GRIK1: variants seen among roughly 807,000 people sequenced by gnomAD.
The protein encoded by GRIK1 is glutamate receptor ionotropic, kainate 1.
GRIK1 carries 69 observed loss-of-function variants against 105.7 expected under a neutral mutation model. The ratio of observed to expected loss-of-function variants is 0.65; its 90% CI spans 0.54 to 0.80. The LOEUF is 0.80. Among genes scored for constraint, GRIK1 ranks in the 30% least tolerant of loss-of-function variants. GRIK1 has a pLI of 0.00. For synonymous variants in GRIK1, 438 were observed against 431.3 expected (o/e 1.02, Z -0.19); for missense variants, 1,109 against 1,167.3 (o/e 0.95, Z 0.73).
intron 1 of GRIK1, among the ~76,000 whole-genome samples, chr21:29,821,412 C>A (rs1445551748): frequency 6.6e-6 from 1 of 151,966 alleles, no homozygotes; most frequent in African/African-American, 2.4e-5. Flanking sequence ...TTCTTTGGAG[C>A]ACTTCCAGCA....
chr21:29,677,882 C>T (rs1356502481), intron 3 of GRIK1, among the ~76,000 whole-genome samples: 1 of 152,094 alleles, frequency 6.6e-6, no homozygotes, highest in African/African-American at 2.4e-5. Context: ...TGCATGAGTC[C>T]CCTCTACACA....
chr21:29,753,409 C>T (rs1030327239), intron 1 of GRIK1, among the ~76,000 whole-genome samples: 5 of 152,180 alleles, frequency 3.3e-5, no homozygotes, highest in South Asian at 2.1e-4. Context: ...ACTCTCCACA[C>T]GCTGAAATAT....
chr21:29,565,159 T>C lies in GRIK1; in HGVS notation c.2131-3310A>G, dbSNP rs116461987. 8.5e-3 allele frequency among the ~76,000 whole-genome samples: 1,302 copies of C among 152,292 alleles called. 21 individuals are homozygous for C. The highest frequency in any genetic ancestry group is 0.029 in the African/African-American group (1,220 of 41,556). On this transcript the variant is annotated intron_variant, in intron 14 of 17. Coordinates refer to ENST00000327783, the MANE Select transcript of GRIK1 (RefSeq NM_001330994.2). ...GGTATAGGAAGTGTTATAAATTCCT[T>C]TGACCCCTTGCTATTCTCACTAGAG... is the stretch of plus-strand genomic sequence containing the variant.
At chr21:29,776,075 A>T (rs780308898) in intron 1 of GRIK1, among the ~76,000 whole-genome samples, 7 of 152,182 alleles carry the variant, frequency 4.6e-5, no homozygotes, top group Non-Finnish European at 7.3e-5. Context: ...GAACTACCAA[A>T]CACTTTTAAA....
intron 1 of GRIK1, among the ~76,000 whole-genome samples, chr21:29,903,338 A>T (rs72493765): frequency 0.22 from 33,644 of 152,164 alleles, 4,251 homozygotes; most frequent in African/African-American, 0.34. Context: ...CATCAGAGTG[A>T]ACAGGCAACT....
chr21:29,687,983 A>G (rs1462599161), intron 3 of GRIK1, among the ~76,000 whole-genome samples: 1 of 152,238 alleles, frequency 6.6e-6, no homozygotes, highest in African/African-American at 2.4e-5. Flanking sequence ...TTATGAGCTC[A>G]CAAAATTTCA....
intron 1 of GRIK1, among the ~76,000 whole-genome samples, chr21:29,884,225 G>C (rs140156701): frequency 4.3e-4 from 66 of 152,052 alleles, no homozygotes; most frequent in African/African-American, 1.5e-3. Flanking sequence ...CAACATGTAT[G>C]GTTCACAAAG....
intron 1 of GRIK1, among the ~76,000 whole-genome samples, chr21:29,720,083 A>T (rs764070623): frequency 6.6e-6 from 1 of 152,218 alleles, no homozygotes; most frequent in Non-Finnish European, 1.5e-5. Flanking sequence ...TCTTCTGATC[A>T]TGCTTTTACA....
chr21:29,791,346 T>C (rs1233428746), intron 1 of GRIK1, among the ~76,000 whole-genome samples: 1 of 151,998 alleles, frequency 6.6e-6, no homozygotes, highest in Non-Finnish European at 1.5e-5. Context: ...GAAAAGGGTT[T>C]GGGGGCACTG....
At chr21:29,813,458 T>C (rs1050518810) in intron 1 of GRIK1, among the ~76,000 whole-genome samples, 1 of 152,084 alleles carries the variant, frequency 6.6e-6, no homozygotes, top group Non-Finnish European at 1.5e-5. Flanking sequence ...GAAAATCCAA[T>C]CATTATCACA....
chr21:29,732,117 G>T (rs1251199159), intron 1 of GRIK1, among the ~76,000 whole-genome samples: 1 of 152,158 alleles, frequency 6.6e-6, no homozygotes, highest in Non-Finnish European at 1.5e-5. Context: ...AACGACCGTT[G>T]TAATTTAAAC....
At chr21:29,722,487 C>T (rs1215840280) in intron 1 of GRIK1, among the ~76,000 whole-genome samples, 2 of 150,390 alleles carry the variant, frequency 1.3e-5, no homozygotes, top group Non-Finnish European at 2.9e-5. Flanking sequence ...ACCCGGGAGG[C>T]AGAGCTTGCA....
chr21:29,593,361 G>T (rs546858821), intron 9 of GRIK1, among the ~76,000 whole-genome samples: 3 of 152,162 alleles, frequency 2.0e-5, no homozygotes, highest in Non-Finnish European at 4.4e-5. Context: ...ACGTCTAATG[G>T]TTGAAGAATC....
At chr21:29,562,474 G>A (rs1001687727) in intron 14 of GRIK1, among the ~76,000 whole-genome samples, 1 of 152,144 alleles carries the variant, frequency 6.6e-6, no homozygotes, top group Non-Finnish European at 1.5e-5. Context: ...TGACCAACAT[G>A]GTGAAACCCT....
At chr21:29,868,422 T>C (rs2068899991) in intron 1 of GRIK1, among the ~76,000 whole-genome samples, 1 of 152,220 alleles carries the variant, frequency 6.6e-6, no homozygotes, top group African/African-American at 2.4e-5. Flanking sequence ...AGAATCCTGT[T>C]AGAAGCCTGT....
intron 1 of GRIK1, among the ~76,000 whole-genome samples, chr21:29,781,459 T>C (rs1312370101): frequency 2.0e-5 from 3 of 152,156 alleles, no homozygotes; most frequent in Admixed American, 2.0e-4. Context: ...TATGCCATTG[T>C]ATTTCCCACT....
intron 1 of GRIK1, among the ~76,000 whole-genome samples, chr21:29,718,431 C>A (rs9976434): frequency 0.054 from 8,199 of 152,202 alleles, 553 homozygotes; most frequent in East Asian, 0.17. Context: ...AAAACACAAA[C>A]TCACAAACCT....
At chr21:29,690,065 T>G in intron 2 of GRIK1, 80 bp from the exon 3 acceptor site, 1 of 1,151,400 alleles carries the variant, frequency 8.7e-7, no homozygotes, top group Non-Finnish European at 1.2e-6. Context: ...ATGAATTTAA[T>G]TTTTTCTTTC....
chr21:29,559,870 G>A (rs762349662), intron 15 of GRIK1, among the ~76,000 whole-genome samples: 7 of 151,892 alleles, frequency 4.6e-5, no homozygotes, highest in Admixed American at 6.6e-5. Context: ...ATTCCTACAT[G>A]TCTACAACTC....
Sources: allele counts gnomAD v4.1 joint callset (sites outside exome capture counted in the v4.1 genomes callset), GRCh38; gene constraint gnomAD v4.1.1; transcripts MANE v1.5; gene names NCBI Gene and HGNC (gene_info 2026-07-23, HGNC 2026-07-21).